TAFA1: variants seen among roughly 807,000 people sequenced by gnomAD.
TAFA1 encodes the protein TAFA chemokine like family member 1, also known as chemokine-like protein TAFA-1.
TAFA1 carries 4 observed loss-of-function variants against 18.5 expected under a neutral mutation model. The observed-to-expected ratio is 0.22, with a 90% CI of 0.11 to 0.49. TAFA1 has a LOEUF of 0.49. Among genes scored for constraint, TAFA1 ranks in the 20% least tolerant of loss-of-function variants. The pLI is 0.98. For missense variants in TAFA1, 147 were observed against 169.0 expected (o/e 0.87, Z 0.72); for synonymous variants, 56 against 55.2 (o/e 1.01, Z -0.06).
At chr3:68,386,289 G>A (rs1441286186) in intron 2 of TAFA1, among the ~76,000 whole-genome samples, 4 of 152,150 alleles carry the variant, frequency 2.6e-5, no homozygotes, top group Non-Finnish European at 5.9e-5. Flanking sequence ...GGAATTTGAA[G>A]CACTTTTATA....
intron 2 of TAFA1, among the ~76,000 whole-genome samples, chr3:68,009,958 A>C (rs1420561872): frequency 6.6e-6 from 1 of 152,258 alleles, no homozygotes; most frequent in Non-Finnish European, 1.5e-5. Flanking sequence ...AAGGAAAAAC[A>C]TAATCTCATT....
intron 2 of TAFA1, among the ~76,000 whole-genome samples, chr3:68,174,697 GC>G (rs770123453): frequency 5.9e-5 from 9 of 152,178 alleles, no homozygotes; most frequent in Non-Finnish European, 1.3e-4. Context: ...TATAAGGGAA[GC>G]AGAGCATGAA....
chr3:68,387,856 G>A (rs572306051), intron 2 of TAFA1, among the ~76,000 whole-genome samples: 1 of 152,152 alleles, frequency 6.6e-6, no homozygotes, highest in South Asian at 2.1e-4. Context: ...TTTATAATAT[G>A]CATTTCATTC....
chr3:68,343,168 C>G (rs773206441), intron 2 of TAFA1, among the ~76,000 whole-genome samples: 2 of 152,112 alleles, frequency 1.3e-5, no homozygotes, highest in African/African-American at 2.4e-5. Context: ...ATTGTCTTTT[C>G]TAAATTGCTG....
At chr3:68,202,549 G>T (rs1288925082) in intron 2 of TAFA1, among the ~76,000 whole-genome samples, 1 of 151,440 alleles carries the variant, frequency 6.6e-6, no homozygotes, top group South Asian at 2.1e-4. Context: ...AACTTATTTA[G>T]TGGTTATACT....
intron 2 of TAFA1, among the ~76,000 whole-genome samples, chr3:68,253,544 C>G (rs1337803211): frequency 2.0e-5 from 3 of 152,152 alleles, no homozygotes; most frequent in African/African-American, 7.2e-5. Flanking sequence ...TCATCTAACC[C>G]TTTGCATTGC....
At chr3:68,156,419 G>T (rs1201715795) in intron 2 of TAFA1, among the ~76,000 whole-genome samples, 1 of 152,102 alleles carries the variant, frequency 6.6e-6, no homozygotes, top group Non-Finnish European at 1.5e-5. Flanking sequence ...CTGCTTGGTT[G>T]TTTTATTTTC....
At chr3:68,184,317 G>A (rs2066242900) in intron 2 of TAFA1, among the ~76,000 whole-genome samples, 1 of 152,092 alleles carries the variant, frequency 6.6e-6, no homozygotes, top group South Asian at 2.1e-4. Flanking sequence ...AGCATTCTAA[G>A]TCCTACCTGA....
chr3:68,155,080 T>C (rs976146228), intron 2 of TAFA1, among the ~76,000 whole-genome samples: 2 of 152,210 alleles, frequency 1.3e-5, no homozygotes, highest in Non-Finnish European at 2.9e-5. Context: ...ACCAATCCTA[T>C]GAGTTAAGTA....
At chr3:68,371,306 C>A (rs1399691443) in intron 2 of TAFA1, among the ~76,000 whole-genome samples, 1 of 152,064 alleles carries the variant, frequency 6.6e-6, no homozygotes, top group African/African-American at 2.4e-5. Flanking sequence ...GTTTGCTGCA[C>A]CTGTCAACCT....
At chr3:68,205,633 T>A (rs1186077935) in intron 2 of TAFA1, among the ~76,000 whole-genome samples, 1 of 151,868 alleles carries the variant, frequency 6.6e-6, no homozygotes, top group Non-Finnish European at 1.5e-5. Flanking sequence ...AGATGATCTT[T>A]CCTTCAACTA....
intron 3 of TAFA1, among the ~76,000 whole-genome samples, chr3:68,444,364 GTCT>G (rs2071437487): frequency 6.6e-6 from 1 of 152,070 alleles, no homozygotes; most frequent in African/African-American, 2.4e-5. Context: ...GAGTCCTCAA[GTCT>G]TCTTCTTTTT....
intron 3 of TAFA1, among the ~76,000 whole-genome samples, chr3:68,483,837 G>A (rs371302970): frequency 4.6e-5 from 7 of 152,308 alleles, no homozygotes; most frequent in East Asian, 3.9e-4. Flanking sequence ...ACTGGAGCCC[G>A]AAGTTTATAG....
intron 2 of TAFA1, among the ~76,000 whole-genome samples, chr3:68,120,542 C>T (rs1034493123): frequency 3.9e-5 from 6 of 152,208 alleles, no homozygotes; most frequent in East Asian, 1.9e-4. Flanking sequence ...AGCCACTGCA[C>T]GTGGCCAACC....
intron 2 of TAFA1, among the ~76,000 whole-genome samples, chr3:68,404,721 C>T (rs1233605587): frequency 6.6e-6 from 1 of 151,636 alleles, no homozygotes; most frequent in Non-Finnish European, 1.5e-5. Context: ...CGCTTGAACC[C>T]AGGAGGCAGA....
rs146472707 is a variant in TAFA1, at chr3:68,511,414, A to T, written c.260-27342A>T. 2.5e-3 allele frequency among the ~76,000 whole-genome samples: 386 copies of T among 152,276 alleles called. 3 individuals are homozygous for T. The highest frequency in any genetic ancestry group is 8.3e-3 in the African/African-American group (344 of 41,572). ...TTTCTACTAGCAGACAAGTTGAAAT[A>T]AATTATTTCCTCTAGATCTTGGCTA... On this transcript the variant is annotated intron_variant, in intron 3 of 4. Coordinates refer to ENST00000478136, the MANE Select transcript of TAFA1 (RefSeq NM_213609.4).
At chr3:68,411,543 C>T (rs1219675363) in intron 2 of TAFA1, among the ~76,000 whole-genome samples, 1 of 152,156 alleles carries the variant, frequency 6.6e-6, no homozygotes. Flanking sequence ...AATAATGTGT[C>T]AATCAAATAT....
chr3:68,081,848 G>C (rs1030646566), intron 2 of TAFA1, among the ~76,000 whole-genome samples: 1 of 152,200 alleles, frequency 6.6e-6, no homozygotes, highest in Non-Finnish European at 1.5e-5. Flanking sequence ...CACCCAGTTC[G>C]AGCTTCCTGG....
intron 2 of TAFA1, among the ~76,000 whole-genome samples, chr3:68,326,631 A>G (rs1320523888): frequency 6.6e-6 from 1 of 152,190 alleles, no homozygotes; most frequent in Admixed American, 6.5e-5. Flanking sequence ...TTGATATTTG[A>G]AAGAATACAT....
Sources: gnomAD v4.1 joint callset for allele counts (sites outside exome capture counted in the v4.1 genomes callset) on GRCh38, gnomAD v4.1.1 for gene constraint, MANE v1.5 for transcripts, NCBI Gene and HGNC (gene_info 2026-07-23, HGNC 2026-07-21) for gene names.